PARK7: variants seen among roughly 807,000 people sequenced by gnomAD.
PARK7 encodes Parkinson disease protein 7.
Under a neutral mutation model 20.5 loss-of-function variants are expected in PARK7, and 14 were observed. That is an observed-to-expected ratio of 0.68 (90% CI 0.45 to 1.07). PARK7 has a LOEUF of 1.07. PARK7 is among the 50% of genes least tolerant of loss of function. The pLI is 0.00. For missense variants in PARK7, 234 were observed against 238.1 expected (o/e 0.98, Z 0.11); for synonymous variants, 98 against 84.3 (o/e 1.16, Z -0.89).
chr1:7,964,231 G>A (rs1308472982), intron 2 of PARK7, among the ~76,000 whole-genome samples: 1 of 152,130 alleles, frequency 6.6e-6, no homozygotes, highest in Admixed American at 6.5e-5. Flanking sequence ...TCTGTGCCAG[G>A]CAGCATTCTA....
chr1:7,964,333 T>G (rs1220410540), intron 2 of PARK7, among the ~76,000 whole-genome samples: 1 of 152,166 alleles, frequency 6.6e-6, no homozygotes, highest in Non-Finnish European at 1.5e-5. Flanking sequence ...ACATAAATAA[T>G]GTACCCACAT....
chr1:7,962,175 C>CA (rs1241337912), intron 1 of PARK7: 1 of 152,808 alleles, frequency 6.5e-6, no homozygotes, highest in Non-Finnish European at 1.5e-5. Flanking sequence ...CGCAGAGAGA[C>CA]AGATGTAGTT....
At position 7,965,457 on chromosome 1, in the gene PARK7, A is replaced by G. The variant is rs757422950; in HGVS notation, c.192+32A>G. The G allele has an allele frequency of 1.9e-6, 3 of 1,562,984 alleles. No individual in the cohort carries two copies. In the African/African-American group the frequency reaches 4.1e-5, roughly 21 times the overall value. ...AATCCATACATGGAGTTATTCCTTCATATGGCTTCTTTGTTTCTTGAAATG... is the reference window on the plus strand; with the variant it reads ...AATCCATACATGGAGTTATTCCTTCGTATGGCTTCTTTGTTTCTTGAAATG... On this transcript the variant is annotated intron_variant, in intron 3 of 6. Coordinates refer to ENST00000338639, the MANE Select transcript of PARK7 (RefSeq NM_007262.5).
Position 7,969,375 on chromosome 1 carries a change from G to A in PARK7, c.223G>A (p.Gly75Ser), listed in dbSNP as rs886046545. 3 of 1,604,678 alleles carry A rather than the reference G, an allele frequency of 1.9e-6. No homozygotes were observed. The highest frequency in any genetic ancestry group is 1.7e-5 in the Admixed American group (1 of 59,754). Residue 75 changes from glycine (G) to serine (S), a missense_variant, in exon 4 of 7, where the codon GGT becomes AGT. Coordinates refer to ENST00000338639, the MANE Select transcript of PARK7 (RefSeq NM_007262.5). ...GPYDVVVLPG[G>S]NLGAQNLSES... ...ATATGATGTGGTGGTTCTACCAGGA[G>A]GTAATCTGGGCGCACAGAATTTATC... is the stretch of plus-strand genomic sequence containing the variant.
At chr1:7,975,097 G>T (rs145108098) in intron 5 of PARK7, among the ~76,000 whole-genome samples, 1 of 151,946 alleles carries the variant, frequency 6.6e-6, no homozygotes, top group Admixed American at 6.6e-5. Context: ...CTCGTGATCC[G>T]CCCACCTTGG....
At position 7,985,068 on chromosome 1, in the gene PARK7, G is replaced by A. The variant is rs779834654; in HGVS notation, c.*14G>A. On this transcript the variant is annotated 3_prime_UTR_variant, in exon 7 of 7. Transcript: ENST00000338639. ...CTTAAAGACTAGAGCAGCGAACTGC[G>A]ACGATCACTTAGAGAAACAGGCCGT... 14 of 1,612,964 alleles carry A rather than the reference G, an allele frequency of 8.7e-6. No homozygotes were observed. The highest frequency in any genetic ancestry group is 2.2e-5 in the South Asian group (2 of 90,980).
At chr1:7,965,543 C>T in intron 3 of PARK7, 118 bp downstream of exon 3, 6 of 861,058 alleles carry the variant, frequency 7.0e-6, no homozygotes, top group South Asian at 1.4e-5. Context: ...AATGTCTTCC[C>T]CTGACAGATT....
chr1:7,965,744 C>T (rs1359813418), intron 3 of PARK7, among the ~76,000 whole-genome samples: 34 of 152,174 alleles, frequency 2.2e-4, no homozygotes, highest in Admixed American at 2.2e-3. Flanking sequence ...CTTACACAGG[C>T]ATCCTTGCCT....
At chr1:7,963,488 A>G (rs1170258925) in intron 2 of PARK7, among the ~76,000 whole-genome samples, 1 of 149,438 alleles carries the variant, frequency 6.7e-6, no homozygotes, top group African/African-American at 2.5e-5. Flanking sequence ...GGTTCAAGAG[A>G]TTCTCCTGCC....
Position 7,985,105 on chromosome 1 carries a change from TCTCA to T in PARK7, c.*54_*57del, listed in dbSNP as rs1394099103. On this transcript the variant is annotated 3_prime_UTR_variant, in exon 7 of 7. Coordinates refer to ENST00000338639, the MANE Select transcript of PARK7 (RefSeq NM_007262.5). ...GAGAAACAGGCCGTTAGGAATCCAT[TCTCA>T]CTGTGTTCGCTCTAAACAAAACAGT... The T allele has an allele frequency of 5.0e-6, 8 of 1,594,902 alleles. No homozygotes were observed. The highest frequency in any genetic ancestry group is 6.0e-6 in the Non-Finnish European group (7 of 1,171,456).
chr1:7,974,545 T>C (rs1446079064), intron 5 of PARK7, among the ~76,000 whole-genome samples: 1 of 150,924 alleles, frequency 6.6e-6, no homozygotes, highest in Non-Finnish European at 1.5e-5. Context: ...AGGAGAATGG[T>C]GTGAACCTGG....
At chr1:7,978,903 T>C (rs1640646263) in intron 6 of PARK7, among the ~76,000 whole-genome samples, 1 of 151,612 alleles carries the variant, frequency 6.6e-6, no homozygotes, top group South Asian at 2.1e-4. Context: ...TATCACATAC[T>C]CATTATCCTT....
In PARK7 at chr1:7,984,722, A is replaced by C; in HGVS notation, c.410-172A>C. ...TCACCCTTTGCTCTGCACAGTTTTAAAAATACCTTTGTAGGGGGCTTCTAA... is the reference window on the plus strand; with the variant it reads ...TCACCCTTTGCTCTGCACAGTTTTACAAATACCTTTGTAGGGGGCTTCTAA... On this transcript the variant is annotated intron_variant, in intron 6 of 6. Coordinates refer to ENST00000338639, the MANE Select transcript of PARK7 (RefSeq NM_007262.5). This position sits in a 1 kb window ranked among gnomAD's most constrained non-coding sequence, Gnocchi z 4.3. 1.3e-6 allele frequency: 1 copy of C among 745,476 alleles called. No homozygotes were observed. The allele number at this position is 745,476 out of a possible 1,614,324, so 46.2% of individuals were successfully genotyped here. A position where few individuals can be genotyped will look rare whatever the true frequency, so the allele number is the denominator to read the frequency against.
At chr1:7,982,546 G>A (rs538327274) in intron 6 of PARK7, among the ~76,000 whole-genome samples, 18 of 152,264 alleles carry the variant, frequency 1.2e-4, no homozygotes, top group Middle Eastern at 3.4e-3. Flanking sequence ...GACAAGAACC[G>A]TAGAACCTTT....
At chr1:7,976,439 T>C (rs1487262167) in intron 5 of PARK7, among the ~76,000 whole-genome samples, 1 of 152,236 alleles carries the variant, frequency 6.6e-6, no homozygotes, top group Non-Finnish European at 1.5e-5. Flanking sequence ...GCAATATGCT[T>C]GTGACCCTCC....
intron 6 of PARK7, among the ~76,000 whole-genome samples, chr1:7,977,985 C>CTTTTTTTTTT (rs34231723): frequency 1.9e-5 from 1 of 53,538 alleles, no homozygotes; most frequent in Non-Finnish European, 3.4e-5. Flanking sequence ...GTCTCAAACT[C>CTTTTTTTTTT]TTTTTTTTTT....
chr1:7,976,055 T>C (rs1023852809), intron 5 of PARK7, among the ~76,000 whole-genome samples: 1 of 152,244 alleles, frequency 6.6e-6, no homozygotes, highest in Admixed American at 6.5e-5. Flanking sequence ...AGGTAGTATT[T>C]GTGTGATCTT....
At position 7,985,504 on chromosome 1, in the gene PARK7, G is replaced by A; in HGVS notation, c.*450G>A. The A allele has an allele frequency of 4.1e-6, 1 of 245,676 alleles. No homozygotes were observed. Among genetic ancestry groups the A allele is most frequent in the Admixed American group, 5.2e-5 (1 of 19,366 alleles). The allele number at this position is 245,676 out of a possible 1,614,324, so 15.2% of individuals were successfully genotyped here. A position where few individuals can be genotyped will look rare whatever the true frequency, so the allele number is the denominator to read the frequency against. ...ATGTGCTATTAAAAAATACCAATGA[G>A]GGCTGGGTGTGGTGGCTCATGCCTG... On this transcript the variant is annotated 3_prime_UTR_variant, in exon 7 of 7. Transcript: ENST00000338639.
chr1:7,977,672 C>T lies in PARK7; in HGVS notation c.343C>T (p.His115Tyr). 4 of 1,614,036 alleles carry T rather than the reference C, an allele frequency of 2.5e-6. No homozygotes were observed. Among genetic ancestry groups the T allele is most frequent in the Non-Finnish European group, 3.4e-6 (4 of 1,179,932 alleles). ...ICAGPTALLA[H>Y]EIGFGSKVTT... The stretch of plus-strand genomic sequence containing the variant: ...CTTAGGTCCTACTGCTCTGTTGGCT[C>T]ATGAAATAGGTTTTGGAAGTAAAGT... Residue 115 changes from histidine (H) to tyrosine (Y), a missense_variant, in exon 6 of 7, where the codon CAT (histidine) becomes TAT (tyrosine). Coordinates refer to ENST00000338639, the MANE Select transcript of PARK7 (RefSeq NM_007262.5).
Sources: allele counts gnomAD v4.1 joint callset (sites outside exome capture counted in the v4.1 genomes callset), GRCh38; gene constraint gnomAD v4.1.1; non-coding constraint Gnocchi (gnomAD v3.1); transcripts MANE v1.5; gene names NCBI Gene and HGNC (gene_info 2026-07-23, HGNC 2026-07-21).